The following IL1RAPL2 variants were observed in gnomAD, a reference collection of about 807,000 sequenced individuals.
IL1RAPL2 encodes the protein interleukin 1 receptor accessory protein like 2, also known as X-linked interleukin-1 receptor accessory protein-like 2.
IL1RAPL2 carries 3 observed loss-of-function variants against 44.1 expected under a neutral mutation model. That is an observed-to-expected ratio of 0.07 (90% CI 0.03 to 0.18). IL1RAPL2 has a LOEUF of 0.18. Ranked by LOEUF, IL1RAPL2 falls within the 10% of genes least tolerant of loss-of-function variation. The probability of loss-of-function intolerance (pLI) is 1.00; values close to 1 mark genes in which losing one functional copy is unlikely to be tolerated. For synonymous variants in IL1RAPL2, 181 were observed against 178.8 expected (o/e 1.01, Z -0.10); for missense variants, 391 against 496.4 (o/e 0.79, Z 2.02).
intron 2 of IL1RAPL2, among the ~76,000 whole-genome samples, chrX:104,874,313 T>A (rs200462063): frequency 9.2e-6 from 1 of 108,360 alleles, no homozygotes; most frequent in South Asian, 4.2e-4. Context: ...TCTCTCTCTC[T>A]CTCTGAAACT....
intron 5 of IL1RAPL2, among the ~76,000 whole-genome samples, chrX:105,310,404 A>G (rs1427180225): frequency 9.0e-6 from 1 of 110,977 alleles, no homozygotes; most frequent in Non-Finnish European, 1.9e-5. Flanking sequence ...ATCTTTTCGG[A>G]TAGTCAACTG....
At chrX:104,792,843 A>AT (rs1179850761) in intron 2 of IL1RAPL2, among the ~76,000 whole-genome samples, 1 of 112,160 alleles carries the variant, frequency 8.9e-6, no homozygotes, top group East Asian at 2.8e-4. Context: ...TTCTTAAGAT[A>AT]TTTATAGTAT....
At chrX:105,335,100 A>T (rs1426068424) in intron 5 of IL1RAPL2, among the ~76,000 whole-genome samples, 1 of 109,986 alleles carries the variant, frequency 9.1e-6, no homozygotes, top group East Asian at 2.9e-4. Flanking sequence ...TTCTGCTCAG[A>T]CCCTTTTTTC....
chrX:105,195,094 G>A (rs1276053900), intron 2 of IL1RAPL2, among the ~76,000 whole-genome samples: 4 of 110,114 alleles, frequency 3.6e-5, no homozygotes, highest in Non-Finnish European at 5.7e-5. Flanking sequence ...CATCATTCTA[G>A]TAGTCCAATT....
chrX:104,881,522 C>A (rs1923070125), intron 2 of IL1RAPL2, among the ~76,000 whole-genome samples: 1 of 112,222 alleles, frequency 8.9e-6, no homozygotes, highest in African/African-American at 3.2e-5. Context: ...CTCTGCTTTT[C>A]AGAAATCTGA....
At chrX:104,848,409 GTATATATATATA>G (rs35503754) in intron 2 of IL1RAPL2, among the ~76,000 whole-genome samples, 5,639 of 64,780 alleles carry the variant, frequency 0.087, 297 homozygotes, top group African/African-American at 0.19. Flanking sequence ...ATTTTTATCT[GTATATATATATA>G]TATATATATA....
chrX:104,740,566 C>A (rs1932085365), intron 2 of IL1RAPL2, among the ~76,000 whole-genome samples: 2 of 110,422 alleles, frequency 1.8e-5, no homozygotes, highest in South Asian at 7.7e-4. Context: ...TATGAAAACC[C>A]ATTTATTCTA....
rs1343412 is a variant in IL1RAPL2, at chrX:104,872,480, T to A, written c.82+213485T>A. ...TGAAACCTAAGCTTCATTAGCTACA[T>A]GGTAAATCTGCCTCTGACTTTTGTC... On this transcript the variant is annotated intron_variant, in intron 2 of 10. Transcript: ENST00000372582. Among the ~76,000 whole-genome samples, 331 of 112,001 alleles carry A rather than the reference T, an allele frequency of 3.0e-3. 4 individuals carry two copies. The highest frequency in any genetic ancestry group is 0.01 in the African/African-American group (314 of 30,888).
chrX:104,636,387 T>G (rs1184668941), intron 1 of IL1RAPL2, among the ~76,000 whole-genome samples: 4 of 112,343 alleles, frequency 3.6e-5, no homozygotes, highest in Non-Finnish European at 7.5e-5. Context: ...CAGGGACATT[T>G]AAGTCTGCAG....
intron 3 of IL1RAPL2, among the ~76,000 whole-genome samples, chrX:105,229,277 T>A (rs782305972): frequency 3.9e-4 from 44 of 112,290 alleles, no homozygotes; most frequent in African/African-American, 1.3e-3. Context: ...ATTACACAAC[T>A]AATAAAAATC....
chrX:104,930,388 G>A (rs1924867474), intron 2 of IL1RAPL2, among the ~76,000 whole-genome samples: 2 of 112,076 alleles, frequency 1.8e-5, no homozygotes, highest in Admixed American at 9.5e-5. Context: ...TGACTTGAGA[G>A]CTATTGGTTT....
chrX:105,257,199 C>T (rs368091422), intron 4 of IL1RAPL2, among the ~76,000 whole-genome samples: 4 of 111,703 alleles, frequency 3.6e-5, no homozygotes, highest in Non-Finnish European at 7.5e-5. Flanking sequence ...AAATTACCCA[C>T]GAGTCATTCC....
chrX:105,107,461 T>C (rs984977688), intron 2 of IL1RAPL2, among the ~76,000 whole-genome samples: 2 of 112,548 alleles, frequency 1.8e-5, no homozygotes, highest in Admixed American at 1.9e-4. Context: ...CTTTCATTTT[T>C]TCAGTATAAG....
intron 5 of IL1RAPL2, among the ~76,000 whole-genome samples, chrX:105,354,350 T>G (rs2035183588): frequency 9.2e-6 from 1 of 109,251 alleles, no homozygotes; most frequent in African/African-American, 3.4e-5. Context: ...ATGTCCTTTG[T>G]AGGGACATGG....
intron 1 of IL1RAPL2, among the ~76,000 whole-genome samples, chrX:104,642,915 G>A (rs1929962094): frequency 8.9e-6 from 1 of 111,865 alleles, no homozygotes; most frequent in African/African-American, 3.3e-5. Context: ...CTGTATTTTC[G>A]GGTATCTTTT....
At chrX:105,099,630 A>ATT (rs749506888) in intron 2 of IL1RAPL2, among the ~76,000 whole-genome samples, 12 of 104,544 alleles carry the variant, frequency 1.1e-4, no homozygotes, top group African/African-American at 3.8e-4. Flanking sequence ...ACGCCTGGCT[A>ATT]TTTTTTTTTG....
intron 5 of IL1RAPL2, among the ~76,000 whole-genome samples, chrX:105,361,984 T>C (rs2035251480): frequency 8.9e-6 from 1 of 111,748 alleles, no homozygotes; most frequent in Non-Finnish European, 1.9e-5. Flanking sequence ...TCCACTCTTT[T>C]GCACTTTGAA....
chrX:105,006,595 C>T (rs1402220081), intron 2 of IL1RAPL2, among the ~76,000 whole-genome samples: 3 of 110,803 alleles, frequency 2.7e-5, no homozygotes, highest in Non-Finnish European at 3.8e-5. Context: ...GTTCTGAGCT[C>T]TACTGAAGAA....
intron 2 of IL1RAPL2, among the ~76,000 whole-genome samples, chrX:104,828,478 G>A (rs967718100): frequency 9.1e-6 from 1 of 109,528 alleles, no homozygotes; most frequent in Non-Finnish European, 1.9e-5. Flanking sequence ...AGCAAAGGTT[G>A]CTGCCTCCTC....
Sources: allele counts gnomAD v4.1 joint callset (sites outside exome capture counted in the v4.1 genomes callset), GRCh38; gene constraint gnomAD v4.1.1; transcripts MANE v1.5; gene names NCBI Gene and HGNC (gene_info 2026-07-23, HGNC 2026-07-21).